SHISA9: variants seen among roughly 807,000 people sequenced by gnomAD.
SHISA9 encodes the protein shisa family member 9.
Under a neutral mutation model 38.0 loss-of-function variants are expected in SHISA9, and 13 were observed. The observed-to-expected ratio is 0.34, with a 90% CI of 0.22 to 0.54. The LOEUF (loss-of-function observed/expected upper bound fraction) is 0.54, where lower values mean the gene tolerates loss of function less well. Among genes scored for constraint, SHISA9 ranks in the 20% least tolerant of loss-of-function variants. The pLI is 0.91. For synonymous variants in SHISA9, 275 were observed against 242.0 expected, an observed-to-expected ratio of 1.14 and a Z score of -1.27; for missense variants, 538 against 575.8, an observed-to-expected ratio of 0.93 and a Z score of 0.67.
chr16:13,356,589 G>A, the SHISA9 span, among the ~76,000 whole-genome samples: 3 of 152,108 alleles, frequency 2.0e-5, no homozygotes, highest in Non-Finnish European at 4.4e-5. Flanking sequence ...GCTGAGGAAG[G>A]ATTGGGACCT....
At chr16:13,036,894 A>C (rs1161213770) in intron 2 of SHISA9, among the ~76,000 whole-genome samples, 2 of 152,160 alleles carry the variant, frequency 1.3e-5, no homozygotes, top group Non-Finnish European at 1.5e-5. Flanking sequence ...ATAAATGCCT[A>C]CTACGTGCCA....
chr16:13,207,621 A>T (rs1484181941), intron 3 of SHISA9, among the ~76,000 whole-genome samples: 2 of 152,102 alleles, frequency 1.3e-5, no homozygotes, highest in African/African-American at 4.8e-5. Flanking sequence ...CCACTGTGAG[A>T]GTTCTCAGGG....
the SHISA9 span, among the ~76,000 whole-genome samples, chr16:13,539,361 A>ATAAAAC: frequency 1.2e-5 from 1 of 80,902 alleles, no homozygotes; most frequent in South Asian, 5.0e-4. Flanking sequence ...ATATATATAA[A>ATAAAAC]GACAGGATCT....
the SHISA9 span, among the ~76,000 whole-genome samples, chr16:13,323,331 G>C: frequency 2.0e-5 from 3 of 152,150 alleles, no homozygotes; most frequent in Non-Finnish European, 2.9e-5. Flanking sequence ...CTGGAGTTGA[G>C]TCAACAGATG....
At chr16:12,925,378 T>G (rs1416540817) in intron 2 of SHISA9, among the ~76,000 whole-genome samples, 1 of 151,726 alleles carries the variant, frequency 6.6e-6, no homozygotes, top group Non-Finnish European at 1.5e-5. Context: ...GCAGACCAGG[T>G]CAGTAAGAAT....
Position 12,911,195 on chromosome 16 carries a change from C to T in SHISA9, c.564-5493C>T, listed in dbSNP as rs919524787. The T allele has an allele frequency of 8.4e-6, 8 of 948,116 alleles. No homozygotes were observed. The South Asian group carries it at 2.4e-4, about 29-fold the overall frequency. 58.7% of individuals were successfully genotyped at this position (948,116 alleles called of 1,614,324 possible). On this transcript the variant is annotated intron_variant, in intron 1 of 4. Transcript: ENST00000558583. ...AGCTTGGGCACGATCTCAGGCCCCA[C>T]CTCCTGCTTATTGATTCAGAATCTG...
In SHISA9 at chr16:13,077,069, C is replaced by T. The variant is rs569450828; in HGVS notation, c.692-126325C>T. 7.9e-5 allele frequency among the ~76,000 whole-genome samples: 12 copies of T among 152,278 alleles called. No individual in the cohort carries two copies. In the South Asian group the frequency reaches 1.9e-3, roughly 24 times the overall value. On this transcript the variant is annotated intron_variant, in intron 2 of 4. Transcript: ENST00000558583. The stretch of plus-strand genomic sequence containing the variant: ...TCACTGGAAAGAGCCAGGGATACCT[C>T]ACAGATGCCAAGGGCAAAAGTACAG...
the SHISA9 span, among the ~76,000 whole-genome samples, chr16:13,275,036 G>T: frequency 2.0e-5 from 3 of 152,140 alleles, no homozygotes; most frequent in Admixed American, 1.3e-4. Flanking sequence ...GACAAGGTAT[G>T]AGGTCAAACC....
the SHISA9 span, among the ~76,000 whole-genome samples, chr16:13,466,033 C>T: frequency 2.6e-5 from 4 of 152,190 alleles, no homozygotes; most frequent in Non-Finnish European, 5.9e-5. Context: ...TTTTTGGCAT[C>T]AGCTTGAGTG....
the SHISA9 span, among the ~76,000 whole-genome samples, chr16:13,531,367 A>G: frequency 5.7e-4 from 87 of 152,296 alleles, 1 homozygote; most frequent in South Asian, 0.016. Context: ...AACACTTCCT[A>G]TGTGCCAGAC....
the SHISA9 span, among the ~76,000 whole-genome samples, chr16:13,387,043 C>T: frequency 6.6e-6 from 1 of 152,154 alleles, no homozygotes; most frequent in Non-Finnish European, 1.5e-5. Flanking sequence ...GCCTTCCCCT[C>T]CAGCAATAAT....
At chr16:12,988,056 G>C (rs866352737) in intron 2 of SHISA9, among the ~76,000 whole-genome samples, 9 of 152,154 alleles carry the variant, frequency 5.9e-5, no homozygotes, top group African/African-American at 1.9e-4. Flanking sequence ...TGCAGGACAA[G>C]ACAGCAAGAC....
chr16:13,542,866 CT>C, the SHISA9 span, among the ~76,000 whole-genome samples: 1 of 152,180 alleles, frequency 6.6e-6, no homozygotes, highest in Non-Finnish European at 1.5e-5. Flanking sequence ...GTTTCTGTCT[CT>C]TTCATCCCAC....
chr16:12,918,901 C>T (rs1201561320), intron 2 of SHISA9, among the ~76,000 whole-genome samples: 1 of 152,086 alleles, frequency 6.6e-6, no homozygotes, highest in Admixed American at 6.6e-5. Context: ...ATCTGAATAA[C>T]AAAAATAAGA....
At chr16:13,251,855 G>A in the SHISA9 span, among the ~76,000 whole-genome samples, 1 of 152,120 alleles carries the variant, frequency 6.6e-6, no homozygotes, top group South Asian at 2.1e-4. Context: ...GGTCTAGGAT[G>A]GTCATCCAAC....
the SHISA9 span, among the ~76,000 whole-genome samples, chr16:13,356,740 C>G: frequency 6.6e-6 from 1 of 152,176 alleles, no homozygotes; most frequent in African/African-American, 2.4e-5. Flanking sequence ...AGATTTGGGA[C>G]AAGTTGCACT....
At chr16:13,103,436 C>G (rs1237175155) in intron 2 of SHISA9, among the ~76,000 whole-genome samples, 2 of 152,156 alleles carry the variant, frequency 1.3e-5, no homozygotes, top group African/African-American at 4.8e-5. Context: ...CTTAATGTCC[C>G]ATGAGCAGGT....
At chr16:12,968,347 C>T (rs963989994) in intron 2 of SHISA9, among the ~76,000 whole-genome samples, 10 of 151,866 alleles carry the variant, frequency 6.6e-5, no homozygotes, top group African/African-American at 2.4e-4. Flanking sequence ...GTATGAGAAC[C>T]ACTGACCTAA....
At chr16:13,469,389 G>GAAAGAAAGAAAT in the SHISA9 span, among the ~76,000 whole-genome samples, 4 of 101,566 alleles carry the variant, frequency 3.9e-5, no homozygotes, top group African/African-American at 1.2e-4. Context: ...AAGAAAGAAA[G>GAAAGAAAGAAAT]AAAGAAAGAA....
Sources: gnomAD v4.1 joint callset for allele counts (sites outside exome capture counted in the v4.1 genomes callset) on GRCh38, gnomAD v4.1.1 for gene constraint, MANE v1.5 for transcripts, NCBI Gene and HGNC (gene_info 2026-07-23, HGNC 2026-07-21) for gene names.